Variants in DPP6 observed in about 807,000 individuals in gnomAD.
DPP6 encodes dipeptidyl peptidase like 6, also known as A-type potassium channel modulatory protein DPP6.
DPP6 carries 69 observed loss-of-function variants against 122.6 expected under a neutral mutation model. The observed-to-expected ratio is 0.56, with a 90% CI of 0.46 to 0.69. The LOEUF (loss-of-function observed/expected upper bound fraction) is 0.69, where lower values mean the gene tolerates loss of function less well. Among genes scored for constraint, DPP6 ranks in the 30% least tolerant of loss-of-function variants. The probability of loss-of-function intolerance (pLI) is 0.00; values close to 1 mark genes in which losing one functional copy is unlikely to be tolerated. For synonymous variants in DPP6, 418 were observed against 433.1 expected, an observed-to-expected ratio of 0.97 and a Z score of 0.43; for missense variants, 928 against 1,116.9, an observed-to-expected ratio of 0.83 and a Z score of 2.41.
At chr7:153,752,571 G>A in the DPP6 span, among the ~76,000 whole-genome samples, 91 of 151,120 alleles carry the variant, frequency 6.0e-4, no homozygotes, top group Non-Finnish European at 7.4e-5. Flanking sequence ...TTACATGGTC[G>A]CCTCTCATAG....
chr7:154,017,699 TAAAAAAAATAAAAAAAAAATAAAAA>T (rs1375427853), intron 1 of DPP6, among the ~76,000 whole-genome samples: 5 of 86,726 alleles, frequency 5.8e-5, no homozygotes, highest in South Asian at 3.7e-4. Flanking sequence ...GCCCTTGTCC[TAAAAAAAATAAAAAAAAAATAAAAA>T]AATAAAAAAA....
chr7:154,829,077 G>A (rs890634914), intron 16 of DPP6, among the ~76,000 whole-genome samples: 3 of 152,042 alleles, frequency 2.0e-5, no homozygotes, highest in Non-Finnish European at 4.4e-5. Flanking sequence ...CCACATGCTA[G>A]ACAATAAGAA....
chr7:154,633,353 C>G (rs1835524292), intron 5 of DPP6, among the ~76,000 whole-genome samples: 2 of 152,202 alleles, frequency 1.3e-5, no homozygotes, highest in Admixed American at 6.5e-5. Context: ...TCTTCCACCT[C>G]AGCCTCCGGA....
At chr7:154,718,198 G>A (rs1047158437) in intron 7 of DPP6, among the ~76,000 whole-genome samples, 2 of 152,148 alleles carry the variant, frequency 1.3e-5, no homozygotes, top group African/African-American at 2.4e-5. Flanking sequence ...CCATTCTGCA[G>A]GCTGTCTCTT....
chr7:154,002,121 A>G (rs1467661201), intron 1 of DPP6, among the ~76,000 whole-genome samples: 1 of 152,378 alleles, frequency 6.6e-6, no homozygotes, highest in East Asian at 1.9e-4. Flanking sequence ...ACTGACAAAA[A>G]CATGCAGTTT....
intron 8 of DPP6, among the ~76,000 whole-genome samples, chr7:154,742,619 T>C (rs1842864909): frequency 6.6e-6 from 1 of 152,236 alleles, no homozygotes; most frequent in African/African-American, 2.4e-5. Context: ...CATTTCCTGA[T>C]ATGGAGGAGA....
At chr7:154,634,280 C>T (rs959032185) in intron 5 of DPP6, among the ~76,000 whole-genome samples, 1 of 150,482 alleles carries the variant, frequency 6.6e-6, no homozygotes, top group African/African-American at 2.4e-5. Context: ...TTTGTCCTTG[C>T]GCTAGTTTGC....
chr7:154,429,744 C>T (rs1818202734), intron 1 of DPP6, among the ~76,000 whole-genome samples: 1 of 152,178 alleles, frequency 6.6e-6, no homozygotes, highest in African/African-American at 2.4e-5. Context: ...CCACGTTCCT[C>T]CCTGGAGTAC....
chr7:154,366,371 A>G (rs550239610), intron 1 of DPP6, among the ~76,000 whole-genome samples: 106 of 152,342 alleles, frequency 7.0e-4, no homozygotes, highest in African/African-American at 2.4e-3. Flanking sequence ...TCTTCCCTGA[A>G]GAGAAATGAT....
chr7:154,865,587 T>G (rs1803793601), intron 17 of DPP6: 1 of 152,294 alleles, frequency 6.6e-6, no homozygotes, highest in Non-Finnish European at 1.5e-5. Context: ...CCAGAAACTT[T>G]TCCATCAATT....
chr7:154,471,590 C>T (rs1822281516), intron 2 of DPP6, among the ~76,000 whole-genome samples: 1 of 151,924 alleles, frequency 6.6e-6, no homozygotes. Context: ...GAGCTGTTAC[C>T]TAGACAGAAT....
chr7:154,200,973 T>C (rs151143426), intron 1 of DPP6, among the ~76,000 whole-genome samples: 3,315 of 152,204 alleles, frequency 0.022, 129 homozygotes, highest in African/African-American at 0.074. Flanking sequence ...CTCTTCCCCA[T>C]CAAAATGACA....
chr7:154,749,049 G>A (rs202242563), intron 8 of DPP6, among the ~76,000 whole-genome samples: 1 of 151,396 alleles, frequency 6.6e-6, no homozygotes, highest in Non-Finnish European at 1.5e-5. Context: ...TTTACTGAGA[G>A]AGGGTGAGGG....
At chr7:153,762,786 A>T in the DPP6 span, among the ~76,000 whole-genome samples, 3 of 152,060 alleles carry the variant, frequency 2.0e-5, no homozygotes, top group African/African-American at 7.2e-5. Context: ...ATCTCAAAAA[A>T]AATAATAATA....
intron 1 of DPP6, among the ~76,000 whole-genome samples, chr7:153,990,085 C>T (rs1797085396): frequency 8.2e-6 from 1 of 122,060 alleles, no homozygotes; most frequent in Non-Finnish European, 1.8e-5. Flanking sequence ...GGCTCTGGCC[C>T]TTCTAAGCCC....
chr7:154,328,341 G>A (rs1284853460), intron 1 of DPP6, among the ~76,000 whole-genome samples: 1 of 152,204 alleles, frequency 6.6e-6, no homozygotes, highest in Non-Finnish European at 1.5e-5. Context: ...GAATCGACAT[G>A]AAGCTACATC....
At chr7:153,856,893 A>AACC in the DPP6 span, among the ~76,000 whole-genome samples, 4 of 152,182 alleles carry the variant, frequency 2.6e-5, no homozygotes, top group African/African-American at 9.6e-5. Context: ...ATGAGCTCTG[A>AACC]ACCAGACACT....
the DPP6 span, among the ~76,000 whole-genome samples, chr7:153,781,245 T>G: frequency 1.3e-5 from 2 of 151,052 alleles, no homozygotes; most frequent in African/African-American, 5.0e-5. Context: ...CTGGACTGAC[T>G]TCCTATTGCC....
the DPP6 span, among the ~76,000 whole-genome samples, chr7:153,763,847 G>T: frequency 6.6e-6 from 1 of 152,102 alleles, no homozygotes; most frequent in Admixed American, 6.6e-5. Flanking sequence ...CTTTGTATAG[G>T]CATCTATTTT....
Sources: gnomAD v4.1 joint callset for allele counts (sites outside exome capture counted in the v4.1 genomes callset) on GRCh38, gnomAD v4.1.1 for gene constraint, MANE v1.5 for transcripts, NCBI Gene and HGNC (gene_info 2026-07-23, HGNC 2026-07-21) for gene names.